USP6NL: variants seen among roughly 807,000 people sequenced by gnomAD.
USP6NL encodes USP6 N-terminal like.
A neutral mutation model predicts 61.9 loss-of-function variants in USP6NL; 26 were observed. The ratio of observed to expected loss-of-function variants is 0.42; its 90% CI spans 0.31 to 0.58. The LOEUF (loss-of-function observed/expected upper bound fraction) is 0.58. Among genes scored for constraint, USP6NL ranks in the 20% least tolerant of loss-of-function variants. USP6NL has a pLI of 0.16. For synonymous variants in USP6NL, 432 were observed against 390.1 expected, an observed-to-expected ratio of 1.11 and a Z score of -1.27; for missense variants, 1,114 against 1,034.3, an observed-to-expected ratio of 1.08 and a Z score of -1.06.
rs1833506544 is a variant in USP6NL, at chr10:11,487,189, C to CCTA, written c.665-1281_665-1279dup. On this transcript the variant is annotated intron_variant, in intron 10 of 14. Coordinates refer to ENST00000609104, the MANE Select transcript of USP6NL (RefSeq NM_014688.5). The surrounding 1 kb of genome is among the most constrained non-coding windows in gnomAD (Gnocchi z 4.2). ...TAACTAGCTCAAGAATGCTAAGAAG[C>CCTA]CTAACAGTTCTTCATTTTCCACTGA... Among the ~76,000 whole-genome samples, 1 of 152,090 alleles carries CCTA rather than the reference C, an allele frequency of 6.6e-6. No homozygotes were observed. Among genetic ancestry groups the CCTA allele is most frequent in the South Asian group, 2.1e-4 (1 of 4,814 alleles).
At position 11,591,180 on chromosome 10, in the gene USP6NL, AG is replaced by A. The variant is rs1395016511; in HGVS notation, c.4+6450del. Among the ~76,000 whole-genome samples, 1 of 152,198 alleles carries A rather than the reference AG, an allele frequency of 6.6e-6. No individual in the cohort carries two copies. The highest frequency in any genetic ancestry group is 6.5e-5 in the Admixed American group (1 of 15,286). The stretch of plus-strand genomic sequence containing the variant: ...AGTCTCTGGGACTCTGGGAACATAA[AG>A]AGGCCAGCCACTGGAAAACTTACTG... On this transcript the variant is annotated intron_variant, in intron 2 of 14. Transcript: ENST00000609104. The surrounding 1 kb of genome is among the most constrained non-coding windows in gnomAD (Gnocchi z 4.7).
rs1009914203 is a variant in USP6NL at position 11,474,128 on chromosome 10, C to A, written c.1078+7642G>T. 6.6e-6 allele frequency among the ~76,000 whole-genome samples: 1 copy of A among 152,164 alleles called. No homozygotes were observed. The highest frequency in any genetic ancestry group is 6.5e-5 in the Admixed American group (1 of 15,278). Reference sequence around the variant, plus strand: ...AGTCTTAATTCCTGAAGATCCAGAACTAAATGGCAAAGTTTAAGAGAATCA... The same window carrying A: ...AGTCTTAATTCCTGAAGATCCAGAAATAAATGGCAAAGTTTAAGAGAATCA... On this transcript the variant is annotated intron_variant, in intron 14 of 14. Transcript: ENST00000609104. The surrounding 1 kb of genome is among the most constrained non-coding windows in gnomAD (Gnocchi z 4.9).
rs1212852276 is a variant in USP6NL at position 11,513,805 on chromosome 10, G to T, written c.196-4130C>A. ...GCCCCAAGACTGTTCTTTATAGCTGGTTTTTTCTGTGGTGTGGGCAACTCG... is the reference window on the plus strand; with the variant it reads ...GCCCCAAGACTGTTCTTTATAGCTGTTTTTTTCTGTGGTGTGGGCAACTCG... On this transcript the variant is annotated intron_variant, in intron 5 of 14. Coordinates refer to ENST00000609104, the MANE Select transcript of USP6NL (RefSeq NM_014688.5). This position sits in a 1 kb window ranked among gnomAD's most constrained non-coding sequence, Gnocchi z 4.7. Among the ~76,000 whole-genome samples the T allele has an allele frequency of 2.6e-5, 4 of 152,150 alleles. No homozygotes were observed. Among genetic ancestry groups the T allele is most frequent in the African/African-American group, 7.2e-5 (3 of 41,446 alleles).
Position 11,490,731 on chromosome 10 carries a change from A to G in USP6NL, c.543+101T>C. 8.6e-7 allele frequency: 1 copy of G among 1,162,578 alleles called. No homozygotes were observed. The highest frequency in any genetic ancestry group is 1.2e-6 in the Non-Finnish European group (1 of 817,306). 72.0% of individuals were successfully genotyped at this position (1,162,578 alleles called of 1,614,324 possible). On this transcript the variant is annotated intron_variant, in intron 9 of 14. Transcript: ENST00000609104. The surrounding 1 kb of genome is among the most constrained non-coding windows in gnomAD (Gnocchi z 4.5). ...CAGAGCTAAAGAGACCATGGAGACC[A>G]CCTAGCTCTGAGATGCAGAAATGTG...
chr10:11,528,140 C>G lies in USP6NL; in HGVS notation c.5-573G>C, dbSNP rs1172390597. Among the ~76,000 whole-genome samples, 1 of 151,728 alleles carries G rather than the reference C, an allele frequency of 6.6e-6. No individual in the cohort carries two copies. The highest frequency in any genetic ancestry group is 1.5e-5 in the Non-Finnish European group (1 of 67,908). ...GGACACACACACAGACACACACACACACACACACACACACACACACCCTTC... is the reference window on the plus strand; with the variant it reads ...GGACACACACACAGACACACACACAGACACACACACACACACACACCCTTC... On this transcript the variant is annotated intron_variant, in intron 2 of 14. Coordinates refer to ENST00000609104, the MANE Select transcript of USP6NL (RefSeq NM_014688.5). This position sits in a 1 kb window ranked among gnomAD's most constrained non-coding sequence, Gnocchi z 4.6.
At chr10:11,536,805 C>T (rs1019136981) in intron 2 of USP6NL, among the ~76,000 whole-genome samples, 1 of 152,224 alleles carries the variant, frequency 6.6e-6, no homozygotes, top group Non-Finnish European at 1.5e-5. Context: ...AACTGCACAA[C>T]TTCAAAAACC....
chr10:11,570,189 G>A (rs972252569), intron 2 of USP6NL, among the ~76,000 whole-genome samples: 8 of 152,102 alleles, frequency 5.3e-5, no homozygotes, highest in Non-Finnish European at 7.4e-5. Flanking sequence ...GTACCTCCCC[G>A]CTTGAGGTTC....
rs1838471588 is a variant in USP6NL at position 11,600,197 on chromosome 10, GC to G, written c.-83-2481del. Among the ~76,000 whole-genome samples the G allele has an allele frequency of 2.6e-5, 4 of 152,252 alleles. No individual in the cohort carries two copies. The South Asian group carries it at 8.3e-4, about 32-fold the overall frequency. On this transcript the variant is annotated intron_variant, in intron 1 of 14. Transcript: ENST00000609104. This position sits in a 1 kb window ranked among gnomAD's most constrained non-coding sequence, Gnocchi z 4.1. Reference sequence around the variant, plus strand: ...CATCAAATTATATTGGGATATTTCTGCAAAAATTGGCCTTTCATCTCATTTT... The same window carrying G: ...CATCAAATTATATTGGGATATTTCTGAAAAATTGGCCTTTCATCTCATTTT...
chr10:11,487,381 TA>T lies in USP6NL; in HGVS notation c.665-1471del, dbSNP rs1370172317. 6.6e-6 allele frequency among the ~76,000 whole-genome samples: 1 copy of T among 152,212 alleles called. No homozygotes were observed. Among genetic ancestry groups the T allele is most frequent in the African/African-American group, 2.4e-5 (1 of 41,464 alleles). ...ACTGACCCTTAATAATGAGCCAAAC[TA>T]CATTCTAAGTAGTTAGGATAGTAGA... On this transcript the variant is annotated intron_variant, in intron 10 of 14. Transcript: ENST00000609104. This position sits in a 1 kb window ranked among gnomAD's most constrained non-coding sequence, Gnocchi z 4.2.
Position 11,462,636 on chromosome 10 carries a change from G to C in USP6NL, c.2292C>G (p.Tyr764Ter). ...GAAAGGGTGCGAGTTGAAAGGCTGAGTATTTTGGTAAATTGCCACGGCTAG... is the reference window on the plus strand; with the variant it reads ...GAAAGGGTGCGAGTTGAAAGGCTGACTATTTTGGTAAATTGCCACGGCTAG... ...RDASRGNLPK[Y>*]SAFQLAPFQD... The change falls in exon 15 of 15, where the codon TAC (tyrosine) becomes TAG (stop). Residue 764 changes from tyrosine (Y) to a stop codon, truncating the protein, a stop_gained. Transcript: ENST00000609104. LOFTEE classifies it low-confidence loss of function (END_TRUNC). 6.2e-7 allele frequency: 1 copy of C among 1,613,992 alleles called. No individual in the cohort carries two copies. The highest frequency in any genetic ancestry group is 8.5e-7 in the Non-Finnish European group (1 of 1,179,900).
At position 11,522,435 on chromosome 10, in the gene USP6NL, G is replaced by A. The variant is rs1455500716; in HGVS notation, c.155+2951C>T. Among the ~76,000 whole-genome samples, 7 of 152,220 alleles carry A rather than the reference G, an allele frequency of 4.6e-5. 1 individual carries two copies. The highest frequency in any genetic ancestry group is 3.9e-4 in the East Asian group (2 of 5,190). On this transcript the variant is annotated intron_variant, in intron 4 of 14. Transcript: ENST00000609104. ...TTTATTCAATAGCGCATAAAACTCC[G>A]GTCTGTGGTGACAAGCAATAAAAAC...
intron 7 of USP6NL, among the ~76,000 whole-genome samples, chr10:11,500,471 C>T (rs1194357867): frequency 6.6e-6 from 1 of 151,866 alleles, no homozygotes; most frequent in Non-Finnish European, 1.5e-5. Flanking sequence ...ATCTCTTACT[C>T]CTTTCAAAGG....
intron 7 of USP6NL, among the ~76,000 whole-genome samples, chr10:11,494,788 T>A (rs1168230970): frequency 2.0e-5 from 3 of 152,116 alleles, no homozygotes; most frequent in African/African-American, 7.2e-5. Context: ...TTAGAGACTT[T>A]TAGTACTTTC....
chr10:11,532,030 A>G lies in USP6NL; in HGVS notation c.5-4463T>C. On this transcript the variant is annotated intron_variant, in intron 2 of 14. Coordinates refer to ENST00000609104, the MANE Select transcript of USP6NL (RefSeq NM_014688.5). The surrounding 1 kb of genome is among the most constrained non-coding windows in gnomAD (Gnocchi z 4.1). ...TATTGTATCTTAATGTCACTAAATTAGCACCAAACTGCAATGAAAAATTCA... is the reference window on the plus strand; with the variant it reads ...TATTGTATCTTAATGTCACTAAATTGGCACCAAACTGCAATGAAAAATTCA... The G allele has an allele frequency of 1.6e-6, 1 of 616,136 alleles. No homozygotes were observed. The highest frequency in any genetic ancestry group is 2.8e-6 in the Non-Finnish European group (1 of 357,638). The allele number at this position is 616,136 out of a possible 1,614,324, so 38.2% of individuals were successfully genotyped here. A position where few individuals can be genotyped will look rare whatever the true frequency, so the allele number is the denominator to read the frequency against.
intron 2 of USP6NL, among the ~76,000 whole-genome samples, chr10:11,584,896 C>T (rs761912612): frequency 7.2e-5 from 11 of 152,170 alleles, no homozygotes; most frequent in Non-Finnish European, 1.5e-4. Context: ...CGAGATCATG[C>T]CACTGCACTC....
intron 1 of USP6NL, among the ~76,000 whole-genome samples, chr10:11,599,753 C>T (rs868742211): frequency 2.2e-5 from 3 of 136,072 alleles, no homozygotes; most frequent in Non-Finnish European, 4.6e-5. Context: ...TTTTTTGAGA[C>T]GTAGTCTCGC....
At chr10:11,586,194 A>T (rs910429987) in intron 2 of USP6NL, among the ~76,000 whole-genome samples, 2 of 152,192 alleles carry the variant, frequency 1.3e-5, no homozygotes, top group African/African-American at 4.8e-5. Flanking sequence ...TGAAACTGAT[A>T]TCCTTGTACA....
At chr10:11,590,222 C>A (rs1358318388) in intron 2 of USP6NL, among the ~76,000 whole-genome samples, 1 of 152,146 alleles carries the variant, frequency 6.6e-6, no homozygotes, top group Non-Finnish European at 1.5e-5. Flanking sequence ...CACAGTCACC[C>A]TGCCTATCTC....
chr10:11,503,862 C>T (rs1332964227), intron 6 of USP6NL, among the ~76,000 whole-genome samples: 1 of 152,014 alleles, frequency 6.6e-6, no homozygotes, highest in African/African-American at 2.4e-5. Context: ...CAAAAGCAAG[C>T]ACAAGATGTT....
Sources: gnomAD v4.1 joint callset for allele counts (sites outside exome capture counted in the v4.1 genomes callset) on GRCh38, gnomAD v4.1.1 for gene constraint, Gnocchi (gnomAD v3.1) non-coding constraint, MANE v1.5 for transcripts, NCBI Gene and HGNC (gene_info 2026-07-23, HGNC 2026-07-21) for gene names.